TNRC6A: variants seen among roughly 807,000 people sequenced by gnomAD.
TNRC6A encodes trinucleotide repeat containing adaptor 6A.
A neutral mutation model predicts 221.2 loss-of-function variants in TNRC6A; 44 were observed. That is an observed-to-expected ratio of 0.20 (90% CI 0.16 to 0.26). TNRC6A has a LOEUF of 0.26. TNRC6A is among the 10% of genes least tolerant of loss of function. The probability of loss-of-function intolerance (pLI) is 1.00; values close to 1 mark genes in which losing one functional copy is unlikely to be tolerated. For synonymous variants in TNRC6A, 847 were observed against 838.5 expected, an observed-to-expected ratio of 1.01 and a Z score of -0.18; for missense variants, 2,199 against 2,404.4, an observed-to-expected ratio of 0.91 and a Z score of 1.79.
At chr16:24,667,532 C>A (rs981555352) in intron 2 of TNRC6A, among the ~76,000 whole-genome samples, 2 of 152,152 alleles carry the variant, frequency 1.3e-5, no homozygotes, top group Non-Finnish European at 2.9e-5. Flanking sequence ...AGTAAAGTGA[C>A]CACAATGTGA....
chr16:24,625,618 C>T (rs1256266525), intron 1 of TNRC6A, among the ~76,000 whole-genome samples: 2 of 151,222 alleles, frequency 1.3e-5, no homozygotes, highest in African/African-American at 2.4e-5. Flanking sequence ...CCCAGCTACT[C>T]GGGAGGCTGA....
chr16:24,721,791 C>G (rs1309262326), intron 2 of TNRC6A, among the ~76,000 whole-genome samples: 1 of 152,136 alleles, frequency 6.6e-6, no homozygotes, highest in Non-Finnish European at 1.5e-5. Flanking sequence ...GTGGTATATC[C>G]ATTCAACAGA....
At chr16:24,812,684 T>C (rs974172262) in intron 18 of TNRC6A, among the ~76,000 whole-genome samples, 1 of 152,164 alleles carries the variant, frequency 6.6e-6, no homozygotes, top group Non-Finnish European at 1.5e-5. Context: ...AGGGCTCTGC[T>C]GTGTAGTGGG....
chr16:24,722,498 T>C (rs1482908780), intron 2 of TNRC6A, among the ~76,000 whole-genome samples: 4 of 152,004 alleles, frequency 2.6e-5, no homozygotes, highest in African/African-American at 4.8e-5. Context: ...TGCAGTGGCA[T>C]GATCTTGGCT....
At chr16:24,686,544 T>A (rs2055629528) in intron 2 of TNRC6A, among the ~76,000 whole-genome samples, 2 of 152,198 alleles carry the variant, frequency 1.3e-5, no homozygotes, top group African/African-American at 2.4e-5. Flanking sequence ...ACTTCATAAA[T>A]AATTATTTAC....
chr16:24,803,869 C>T (rs1239685700), intron 11 of TNRC6A: 7 of 242,316 alleles, frequency 2.9e-5, no homozygotes, highest in Non-Finnish European at 5.5e-5. Context: ...CCACTGCACT[C>T]CAGCCTGGGC....
rs148126382 is a variant in TNRC6A at position 24,789,661 on chromosome 16, A to G, written c.1019A>G (p.Asn340Ser). 1,044 of 1,614,206 alleles carry G rather than the reference A, an allele frequency of 6.5e-4. 1 individual carries two copies. The highest frequency in any genetic ancestry group is 8.0e-4 in the Non-Finnish European group (939 of 1,180,044). ...GAAAGCAAATCTGAAAGTAGCAACA[A>G]TAGAATGAATGCTTGGGGCACTGTA... ...APESKSESSN[N>S]RMNAWGTVSS... Residue 340 changes from asparagine (N) to serine (S), a missense_variant, in exon 6 of 25, where the codon AAT becomes AGT. Asn to Ser is a conservative substitution (Grantham distance 46, BLOSUM62 1). Transcript: ENST00000395799.
intron 2 of TNRC6A, among the ~76,000 whole-genome samples, chr16:24,694,229 G>C (rs549534039): frequency 6.6e-6 from 1 of 152,040 alleles, no homozygotes; most frequent in South Asian, 2.1e-4. Flanking sequence ...GTGGACACTC[G>C]GTCTCTTGCC....
intron 9 of TNRC6A, chr16:24,796,167 G>A (rs919070950): frequency 4.3e-6 from 2 of 464,326 alleles, no homozygotes; most frequent in African/African-American, 4.0e-5. Flanking sequence ...TGCTTGGGAT[G>A]GGATGTGTTA....
intron 2 of TNRC6A, among the ~76,000 whole-genome samples, chr16:24,685,266 C>A (rs935310568): frequency 6.6e-6 from 1 of 152,102 alleles, no homozygotes; most frequent in Non-Finnish European, 1.5e-5. Flanking sequence ...AAGGTAGTGG[C>A]GTATACACCG....
chr16:24,684,717 G>A (rs111943450), intron 2 of TNRC6A, among the ~76,000 whole-genome samples: 3 of 151,400 alleles, frequency 2.0e-5, no homozygotes, highest in African/African-American at 7.3e-5. Context: ...GAGGTGGGAG[G>A]ATAACCAGAG....
intron 1 of TNRC6A, among the ~76,000 whole-genome samples, chr16:24,623,152 AATTT>A (rs199950284): frequency 0.041 from 5,900 of 143,820 alleles, 151 homozygotes; most frequent in Non-Finnish European, 0.058. Context: ...AAGTGATAAG[AATTT>A]ATTTATTTAT....
At chr16:24,811,249 T>C (rs1433466924) in intron 18 of TNRC6A, among the ~76,000 whole-genome samples, 1 of 152,124 alleles carries the variant, frequency 6.6e-6, no homozygotes, top group Non-Finnish European at 1.5e-5. Flanking sequence ...AAGAAAAGTC[T>C]GATTTGTTAA....
At position 24,790,569 on chromosome 16, in the gene TNRC6A, TCTA is replaced by T; in HGVS notation, c.1930_1932del (p.Thr644del). The stretch of plus-strand genomic sequence containing the variant: ...TAAGACGTTTACAAATGGATGGAAA[TCTA>T]CTGAGGAAGAGGATCAGGGTTCTGC... On this transcript the variant is annotated inframe_deletion, in exon 6 of 25. Coordinates refer to ENST00000395799, the MANE Select transcript of TNRC6A (RefSeq NM_014494.4). 1 of 1,614,130 alleles carries T rather than the reference TCTA, an allele frequency of 6.2e-7. No individual in the cohort carries two copies. Among genetic ancestry groups the T allele is most frequent in the Non-Finnish European group, 8.5e-7 (1 of 1,180,028 alleles).
At chr16:24,784,204 G>A (rs1325107916) in intron 5 of TNRC6A, among the ~76,000 whole-genome samples, 1 of 152,218 alleles carries the variant, frequency 6.6e-6, no homozygotes, top group African/African-American at 2.4e-5. Flanking sequence ...GTTTCACCCT[G>A]TTGGCCAGGC....
At chr16:24,620,967 C>T (rs1438562301) in intron 1 of TNRC6A, among the ~76,000 whole-genome samples, 2 of 150,866 alleles carry the variant, frequency 1.3e-5, no homozygotes, top group Non-Finnish European at 2.9e-5. Context: ...GCCTGTAGTC[C>T]CAGCTACTTG....
chr16:24,747,933 C>T (rs907237043), intron 2 of TNRC6A, among the ~76,000 whole-genome samples: 5 of 152,038 alleles, frequency 3.3e-5, no homozygotes, highest in Non-Finnish European at 7.4e-5. Flanking sequence ...ATTATAGTGA[C>T]ATAGAAGATC....
At chr16:24,801,956 CAG>C (rs1029382154) in intron 11 of TNRC6A, among the ~76,000 whole-genome samples, 9 of 141,866 alleles carry the variant, frequency 6.3e-5, no homozygotes, top group South Asian at 2.2e-4. Context: ...GACATCTTAA[CAG>C]GGAGAGAGAA....
chr16:24,624,863 A>G (rs1001400378), intron 1 of TNRC6A, among the ~76,000 whole-genome samples: 3 of 152,254 alleles, frequency 2.0e-5, no homozygotes, highest in African/African-American at 7.2e-5. Flanking sequence ...ATCAAACATC[A>G]GTCACCGAAC....
Sources: allele counts gnomAD v4.1 joint callset (sites outside exome capture counted in the v4.1 genomes callset), GRCh38; gene constraint gnomAD v4.1.1; transcripts MANE v1.5; gene names NCBI Gene and HGNC (gene_info 2026-07-23, HGNC 2026-07-21).